The following COBLL1 variants were observed in gnomAD, a reference collection of about 807,000 sequenced individuals.
COBLL1 encodes cordon-bleu protein-like 1.
COBLL1 carries 50 observed loss-of-function variants against 94.8 expected under a neutral mutation model. The observed-to-expected ratio is 0.53, with a 90% CI of 0.42 to 0.67. COBLL1 has a LOEUF of 0.67. Ranked by LOEUF, COBLL1 falls within the 30% of genes least tolerant of loss-of-function variation. The probability of loss-of-function intolerance (pLI) is 0.00; values close to 1 mark genes in which losing one functional copy is unlikely to be tolerated. For missense variants in COBLL1, 1,362 were observed against 1,348.7 expected (o/e 1.01, Z -0.15); for synonymous variants, 448 against 473.8 (o/e 0.95, Z 0.71).
intron 2 of COBLL1, among the ~76,000 whole-genome samples, chr2:164,811,578 G>A (rs772960730): frequency 3.3e-5 from 5 of 151,844 alleles, no homozygotes; most frequent in Non-Finnish European, 7.4e-5. Context: ...TTGGATTCCA[G>A]TATCTCTCTC....
At chr2:164,842,052 A>G (rs1178948782), upstream of COBLL1, 3 of 1,509,648 alleles carry the variant, frequency 2.0e-6, no homozygotes, top group South Asian at 3.6e-5. Context: ...CATTGGAGCG[A>G]GGGAAGCAGC....
intron 2 of COBLL1, among the ~76,000 whole-genome samples, chr2:164,797,679 T>C (rs913931924): frequency 3.3e-5 from 5 of 152,158 alleles, no homozygotes; most frequent in African/African-American, 9.7e-5. Context: ...TTCAAGAAGT[T>C]CTAATTATGG....
At chr2:164,826,865 T>C (rs948322874) in intron 2 of COBLL1, among the ~76,000 whole-genome samples, 1 of 151,566 alleles carries the variant, frequency 6.6e-6, no homozygotes, top group Non-Finnish European at 1.5e-5. Flanking sequence ...CATTAAATGA[T>C]CATTTCTTTA....
chr2:164,756,963 A>C (rs1687442560), intron 2 of COBLL1, among the ~76,000 whole-genome samples: 1 of 152,154 alleles, frequency 6.6e-6, no homozygotes, highest in South Asian at 2.1e-4. Context: ...GAGAGGGTTA[A>C]ATGGGTAAGG....
intron 2 of COBLL1, among the ~76,000 whole-genome samples, chr2:164,793,119 T>C (rs945058088): frequency 6.6e-6 from 1 of 152,162 alleles, no homozygotes; most frequent in African/African-American, 2.4e-5. Context: ...AGGCAGAAAC[T>C]TAAATTCATG....
intron 7 of COBLL1, among the ~76,000 whole-genome samples, chr2:164,720,986 A>G (rs1317639821): frequency 1.3e-5 from 2 of 152,250 alleles, no homozygotes; most frequent in East Asian, 1.9e-4. Flanking sequence ...CTTCATAGAA[A>G]TAAGAAACTT....
chr2:164,722,567 T>A, intron 5 of COBLL1, 45 bp from the exon 6 acceptor site: 1 of 1,045,858 alleles, frequency 9.6e-7, no homozygotes, highest in Non-Finnish European at 1.4e-6. Flanking sequence ...TGAGGTTGAC[T>A]GTTCACTTCC....
At chr2:164,765,036 T>C (rs575968115) in intron 2 of COBLL1, among the ~76,000 whole-genome samples, 8 of 152,146 alleles carry the variant, frequency 5.3e-5, no homozygotes, top group Non-Finnish European at 1.2e-4. Flanking sequence ...GTTTCAATAT[T>C]TGCTCAAAAA....
intron 2 of COBLL1, among the ~76,000 whole-genome samples, chr2:164,802,998 T>C (rs1177345760): frequency 2.0e-5 from 3 of 152,200 alleles, no homozygotes; most frequent in African/African-American, 7.2e-5. Context: ...ACTTCAAAGA[T>C]TATAGATTGC....
chr2:164,763,689 CA>C (rs1193429404), intron 2 of COBLL1, among the ~76,000 whole-genome samples: 5 of 152,160 alleles, frequency 3.3e-5, no homozygotes, highest in African/African-American at 9.6e-5. Context: ...AATATATTAT[CA>C]AATGACATAA....
chr2:164,827,429 G>A (rs556585238), intron 2 of COBLL1, among the ~76,000 whole-genome samples: 4 of 152,164 alleles, frequency 2.6e-5, no homozygotes, highest in Middle Eastern at 3.4e-3. Flanking sequence ...AAAAAACACC[G>A]GGAAGAAAGA....
chr2:164,696,473 CT>C (rs1268238202), intron 11 of COBLL1: 1 of 152,064 alleles, frequency 6.6e-6, no homozygotes, highest in Non-Finnish European at 1.5e-5. Context: ...TGTTAGAGGA[CT>C]TTATTTTTAG....
At chr2:164,705,894 C>A (rs771453185) in intron 7 of COBLL1, among the ~76,000 whole-genome samples, 1 of 152,004 alleles carries the variant, frequency 6.6e-6, no homozygotes, top group South Asian at 2.1e-4. Context: ...ATTAGCCAGG[C>A]GTGGTGGCAT....
Position 164,781,286 on chromosome 2 carries a change from A to G in COBLL1, c.42-37411T>C, listed in dbSNP as rs531249123. Among the ~76,000 whole-genome samples, 8 of 152,338 alleles carry G rather than the reference A, an allele frequency of 5.3e-5. No homozygotes were observed. The East Asian group carries it at 1.5e-3, about 29-fold the overall frequency. On this transcript the variant is annotated intron_variant, in intron 2 of 13. Coordinates refer to ENST00000652658, the MANE Select transcript of COBLL1 (RefSeq NM_001365672.2). ...ATATCCATATGACAAAAATAGCACA[A>G]TAATGGCCCATGCCTGTGATAACAG...
chr2:164,725,001 A>T (rs1685642258), intron 5 of COBLL1: 1 of 151,230 alleles, frequency 6.6e-6, no homozygotes, highest in Admixed American at 6.6e-5. Context: ...GTTTTTTTGC[A>T]TGCCTAAATG....
rs902604876 is a variant in COBLL1, at chr2:164,826,918, CTT to C, written c.41+14236_41+14237del. Among the ~76,000 whole-genome samples, 3 of 150,178 alleles carry C rather than the reference CTT, an allele frequency of 2.0e-5. No homozygotes were observed. The East Asian group carries it at 5.9e-4, about 29-fold the overall frequency. On this transcript the variant is annotated intron_variant, in intron 2 of 13. Transcript: ENST00000652658. ...TTCGTTTTTTTTTTTGTTTCTCTCT[CTT>C]TTTTGTTTTGTTTTGTGGGTTTTTT... is the stretch of plus-strand genomic sequence containing the variant.
chr2:164,743,834 G>T lies in COBLL1; in HGVS notation c.83C>A (p.Thr28Asn), dbSNP rs1435108202. Residue 28 changes from threonine (T) to asparagine (N), a missense_variant, in exon 3 of 14, where the codon ACC becomes AAC. By Grantham distance (65) the Thr-to-Asn change is moderately conservative. Transcript: ENST00000652658. ...AGCTGAAGAGACATCAGTATATTTG[G>T]TCTCAGCTGGAGGAAGTGGTGCCTT... is the stretch of plus-strand genomic sequence containing the variant. ...KAKAPLPPAE[T>N]KYTDVSSAAD... 1.2e-6 allele frequency: 2 copies of T among 1,605,016 alleles called. No homozygotes were observed. The highest frequency in any genetic ancestry group is 4.5e-5 in the East Asian group (2 of 44,616).
At chr2:164,816,805 A>G (rs893298771) in intron 2 of COBLL1, among the ~76,000 whole-genome samples, 2 of 152,166 alleles carry the variant, frequency 1.3e-5, no homozygotes, top group African/African-American at 4.8e-5. Flanking sequence ...TCTACTAAAC[A>G]GATATCATCT....
At chr2:164,693,403 A>T (rs1191030410) in intron 12 of COBLL1, among the ~76,000 whole-genome samples, 2 of 152,166 alleles carry the variant, frequency 1.3e-5, no homozygotes, top group Non-Finnish European at 2.9e-5. Context: ...GGAATGTTTG[A>T]AAAAGTAATA....
Sources: allele counts gnomAD v4.1 joint callset (sites outside exome capture counted in the v4.1 genomes callset), GRCh38; gene constraint gnomAD v4.1.1; transcripts MANE v1.5; gene names NCBI Gene and HGNC (gene_info 2026-07-23, HGNC 2026-07-21).